The following SARDH variants were observed in gnomAD, a reference collection of about 807,000 sequenced individuals.
SARDH encodes the protein sarcosine dehydrogenase, mitochondrial.
Under a neutral mutation model 109.1 loss-of-function variants are expected in SARDH, and 95 were observed. That is an observed-to-expected ratio of 0.87 (90% CI 0.74 to 1.03). The LOEUF is 1.03. Ranked by LOEUF, SARDH falls within the 50% of genes least tolerant of loss-of-function variation. The pLI, the probability that SARDH is intolerant of heterozygous loss-of-function variation, is 0.00. For missense variants in SARDH, 1,267 were observed against 1,287.8 expected (o/e 0.98, Z 0.25); for synonymous variants, 572 against 534.8 (o/e 1.07, Z -0.96).
chr9:133,723,462 C>T (rs887031841), intron 6 of SARDH, among the ~76,000 whole-genome samples: 4 of 152,176 alleles, frequency 2.6e-5, no homozygotes, highest in Admixed American at 1.3e-4. Flanking sequence ...AATTGAGAGT[C>T]GAGAAATAAA....
At position 133,709,958 on chromosome 9, in the gene SARDH, A is replaced by T. The variant is rs1831852990; in HGVS notation, c.1329-1530T>A. Among the ~76,000 whole-genome samples the T allele has an allele frequency of 1.3e-5, 2 of 152,210 alleles. No homozygotes were observed. The highest frequency in any genetic ancestry group is 4.8e-5 in the African/African-American group (2 of 41,454). On this transcript the variant is annotated intron_variant, in intron 10 of 20. Coordinates refer to ENST00000439388, the MANE Select transcript of SARDH (RefSeq NM_001134707.2). This position sits in a 1 kb window ranked among gnomAD's most constrained non-coding sequence, Gnocchi z 4.2. ...AAGGTCTGGGAGGATTCTTGGGGGCAGCAGTGAGGTGCACGTCGGGTGGCA... is the reference window on the plus strand; with the variant it reads ...AAGGTCTGGGAGGATTCTTGGGGGCTGCAGTGAGGTGCACGTCGGGTGGCA...
intron 6 of SARDH, among the ~76,000 whole-genome samples, chr9:133,720,567 T>C (rs1832288547): frequency 1.3e-5 from 2 of 152,172 alleles, no homozygotes; most frequent in South Asian, 4.1e-4. Flanking sequence ...GGACTCACAG[T>C]TCCACATGGC....
chr9:133,688,313 C>T lies in SARDH; in HGVS notation c.2069+2067G>A, dbSNP rs750554304. On this transcript the variant is annotated intron_variant, in intron 16 of 20. Coordinates refer to ENST00000439388, the MANE Select transcript of SARDH (RefSeq NM_001134707.2). Reference sequence around the variant, plus strand: ...CACCCTCCACTCTTCATCATGCACGCGGAAGCTGTCTCTGTCCCCTACCCT... The same window carrying T: ...CACCCTCCACTCTTCATCATGCACGTGGAAGCTGTCTCTGTCCCCTACCCT... Among the ~76,000 whole-genome samples, 5 of 152,298 alleles carry T rather than the reference C, an allele frequency of 3.3e-5. No individual in the cohort carries two copies. In the South Asian group the frequency reaches 6.2e-4, roughly 19 times the overall value.
intron 14 of SARDH, 123 bp from the exon 15 acceptor site, chr9:133,694,494 C>G (rs1013218723): frequency 1.2e-6 from 1 of 808,674 alleles, no homozygotes; most frequent in African/African-American, 1.7e-5. Flanking sequence ...AACCCCCAGA[C>G]AGGATGCCCT....
chr9:133,731,867 C>CT (rs2131508093), intron 3 of SARDH, among the ~76,000 whole-genome samples: 1 of 152,300 alleles, frequency 6.6e-6, no homozygotes, highest in African/African-American at 2.4e-5. Context: ...AGGTCTAATA[C>CT]TTTGGGCCTG....
At chr9:133,725,646 A>C in intron 6 of SARDH, 1 of 269,268 alleles carries the variant, frequency 3.7e-6, no homozygotes, top group Non-Finnish European at 7.6e-6. Context: ...ACTGTACTCC[A>C]GTGTGGGCAA....
intron 10 of SARDH, among the ~76,000 whole-genome samples, chr9:133,711,929 C>T (rs952320096): frequency 8.5e-5 from 13 of 152,218 alleles, no homozygotes; most frequent in Middle Eastern, 3.2e-3. Flanking sequence ...TCCCCCCTTG[C>T]CGGGGAGCGC....
intron 6 of SARDH, chr9:133,725,743 A>T: frequency 4.3e-6 from 1 of 232,248 alleles, no homozygotes; most frequent in Non-Finnish European, 8.8e-6. Context: ...TGCAGAGAGG[A>T]ACCACTGATT....
chr9:133,681,406 G>T lies in SARDH; in HGVS notation c.2163+3787C>A, dbSNP rs563885001. On this transcript the variant is annotated intron_variant, in intron 17 of 20. Coordinates refer to ENST00000439388, the MANE Select transcript of SARDH (RefSeq NM_001134707.2). ...CACTCAGTTCTCTGTGGCCATCTTTGCGGGACTCTCGGTTCCATGAGAACC... is the reference window on the plus strand; with the variant it reads ...CACTCAGTTCTCTGTGGCCATCTTTTCGGGACTCTCGGTTCCATGAGAACC... Among the ~76,000 whole-genome samples, 3 of 152,346 alleles carry T rather than the reference G, an allele frequency of 2.0e-5. No homozygotes were observed. The South Asian group carries it at 6.2e-4, about 32-fold the overall frequency.
chr9:133,727,131 C>T (rs1311269896), intron 6 of SARDH, among the ~76,000 whole-genome samples: 3 of 152,162 alleles, frequency 2.0e-5, no homozygotes, highest in Non-Finnish European at 2.9e-5. Flanking sequence ...CCCCTAACAG[C>T]GCCCGAGCCA....
chr9:133,728,536 T>A lies in SARDH; in HGVS notation c.915+1229A>T, dbSNP rs1449044764. Among the ~76,000 whole-genome samples, 1 of 152,198 alleles carries A rather than the reference T, an allele frequency of 6.6e-6. No individual in the cohort carries two copies. Among genetic ancestry groups the A allele is most frequent in the African/African-American group, 2.4e-5 (1 of 41,446 alleles). ...GCCACCCTCAAGAGCCTCACCTAGA[T>A]GCAGCTGCCTCCTCCAGGGAGCCTC... On this transcript the variant is annotated intron_variant, in intron 6 of 20. Transcript: ENST00000439388. The surrounding 1 kb of genome is among the most constrained non-coding windows in gnomAD (Gnocchi z 5.0).
intron 17 of SARDH, among the ~76,000 whole-genome samples, chr9:133,672,509 G>A (rs561469335): frequency 1.5e-4 from 23 of 152,322 alleles, no homozygotes; most frequent in East Asian, 7.7e-4. Context: ...ACACGTCTGC[G>A]AGGAGCAGGG....
intron 18 of SARDH, 40 bp downstream of exon 18, chr9:133,671,495 C>T (rs774507559): frequency 9.4e-5 from 143 of 1,519,312 alleles, no homozygotes; most frequent in Middle Eastern, 2.1e-4. Context: ...CCCCCCACTG[C>T]GCCCGCCCCC....
Position 133,685,175 on chromosome 9 carries a change from T to C in SARDH, c.2163+18A>G, listed in dbSNP as rs1413267767. The C allele has an allele frequency of 6.2e-7, 1 of 1,610,986 alleles. No homozygotes were observed. The highest frequency in any genetic ancestry group is 2.2e-5 in the East Asian group (1 of 44,848). On this transcript the variant is annotated intron_variant, in intron 17 of 20. Coordinates refer to ENST00000439388, the MANE Select transcript of SARDH (RefSeq NM_001134707.2). ...GCTGCCACCCACGACCCAGAGGACG[T>C]GGCCAGCTGGAACCTACCAGGTGCC...
chr9:133,710,356 C>T (rs550723196), intron 10 of SARDH, among the ~76,000 whole-genome samples: 1 of 152,338 alleles, frequency 6.6e-6, no homozygotes, highest in Admixed American at 6.5e-5. Flanking sequence ...GGAACTCACG[C>T]GCAGGGCGGC....
intron 19 of SARDH, among the ~76,000 whole-genome samples, chr9:133,669,737 G>T (rs1407182060): frequency 6.6e-6 from 1 of 152,168 alleles, no homozygotes; most frequent in East Asian, 1.9e-4. Flanking sequence ...GCACCATGTG[G>T]TCTCCATTCG....
intron 16 of SARDH, among the ~76,000 whole-genome samples, chr9:133,685,584 T>C: frequency 6.6e-6 from 1 of 152,086 alleles, no homozygotes; most frequent in Non-Finnish European, 1.5e-5. Context: ...AGAGTGGTTA[T>C]CTAACCATAG....
rs115111919 is a variant in SARDH, at chr9:133,673,923, G to A, written c.2164-2226C>T. Among the ~76,000 whole-genome samples the A allele has an allele frequency of 7.2e-3, 1,090 of 152,286 alleles. 15 individuals carry two copies. The highest frequency in any genetic ancestry group is 0.024 in the African/African-American group (1,004 of 41,544). On this transcript the variant is annotated intron_variant, in intron 17 of 20. Transcript: ENST00000439388. ...GGAGGGAGCAGTCCCATCCTTCCTG[G>A]CTCCAGCAGCTCAGCGAGGATGGGG... is the stretch of plus-strand genomic sequence containing the variant.
At chr9:133,702,741 G>A (rs368520362) in intron 13 of SARDH, among the ~76,000 whole-genome samples, 175 bp downstream of exon 13, 168 of 152,318 alleles carry the variant, frequency 1.1e-3, no homozygotes, top group African/African-American at 3.8e-3. Context: ...GAGGGGGAGA[G>A]GAAAACGCAT....
Sources: allele counts gnomAD v4.1 joint callset (sites outside exome capture counted in the v4.1 genomes callset), GRCh38; gene constraint gnomAD v4.1.1; non-coding constraint Gnocchi (gnomAD v3.1); transcripts MANE v1.5; gene names NCBI Gene and HGNC (gene_info 2026-07-23, HGNC 2026-07-21).